EP300: variants seen among roughly 807,000 people sequenced by gnomAD.
The protein encoded by EP300 is EP300 lysine acetyltransferase, also known as histone acetyltransferase p300.
In EP300, 31 loss-of-function variants were observed where a neutral mutation model predicts 264.0. That is an observed-to-expected ratio of 0.12 (90% CI 0.09 to 0.16). The LOEUF (loss-of-function observed/expected upper bound fraction) is 0.16, where lower values mean the gene tolerates loss of function less well. Among genes scored for constraint, EP300 ranks in the 10% least tolerant of loss-of-function variants. The probability of loss-of-function intolerance (pLI) is 1.00; values close to 1 mark genes in which losing one functional copy is unlikely to be tolerated. For missense variants in EP300, 2,766 were observed against 3,052.9 expected, an observed-to-expected ratio of 0.91 and a Z score of 2.21; for synonymous variants, 1,340 against 1,045.4, an observed-to-expected ratio of 1.28 and a Z score of -5.44.
intron 1 of EP300, among the ~76,000 whole-genome samples, chr22:41,095,257 T>TTTA (rs1465558605): frequency 7.8e-6 from 1 of 128,906 alleles, no homozygotes; most frequent in African/African-American, 3.1e-5. Flanking sequence ...TTTTTTTTTT[T>TTTA]GAGATGGAGT....
intron 2 of EP300, among the ~76,000 whole-genome samples, chr22:41,120,088 G>A (rs967558928): frequency 4.6e-5 from 7 of 152,078 alleles, no homozygotes; most frequent in African/African-American, 1.4e-4. Context: ...TGTTGCCACC[G>A]CACCTAGGCC....
At chr22:41,145,686 C>A (rs371511610) in intron 10 of EP300, among the ~76,000 whole-genome samples, 1 of 151,932 alleles carries the variant, frequency 6.6e-6, no homozygotes, top group Admixed American at 6.6e-5. Flanking sequence ...TGCAGTGGCA[C>A]GATCTCAGCT....
At position 41,131,529 on chromosome 22, in the gene EP300, A is replaced by G; in HGVS notation, c.1424A>G (p.Tyr475Cys). The change falls in exon 6 of 31, where the codon TAT becomes TGT. Residue 475 changes from tyrosine (Y) to cysteine (C), a missense_variant. Transcript: ENST00000263253. The part of the protein sequence containing the change: ...ERAYAALGLP[Y>C]QVNQMPTQPQ... ...GCCTATGCAGCTCTTGGACTACCCT[A>G]TCAAGTAAATCAGATGCCGACACAA... The G allele has an allele frequency of 1.9e-6, 3 of 1,614,048 alleles. No homozygotes were observed. Among genetic ancestry groups the G allele is most frequent in the East Asian group, 2.2e-5 (1 of 44,872 alleles).
rs67744457 is a variant in EP300 at position 41,149,326 on chromosome 22, TGAA to T, written c.2379+154_2379+156del. Reference sequence around the variant, plus strand: ...TTTTGGACTTAGGGTATTCTGAACATGAAGAGATTATTCTGTGACATAGCAATG... The same window carrying T: ...TTTTGGACTTAGGGTATTCTGAACATGAGATTATTCTGTGACATAGCAATG... On this transcript the variant is annotated intron_variant, in intron 13 of 30. Transcript: ENST00000263253. 226,374 of 840,446 alleles carry T rather than the reference TGAA, an allele frequency of 0.27. 36,135 individuals are homozygous for T. The highest frequency in any genetic ancestry group is 0.51 in the Admixed American group (23,723 of 46,334). 52.1% of individuals were successfully genotyped at this position (840,446 alleles called of 1,614,324 possible). A position where few individuals can be genotyped will look rare whatever the true frequency, so the allele number is the denominator to read the frequency against.
intron 10 of EP300, among the ~76,000 whole-genome samples, chr22:41,142,205 TA>T (rs1428863890): frequency 1.3e-5 from 2 of 152,206 alleles, no homozygotes; most frequent in African/African-American, 4.8e-5. Context: ...AACCTGCATT[TA>T]CTGAGTTAGG....
chr22:41,121,978 C>G (rs1376611271), intron 2 of EP300, among the ~76,000 whole-genome samples: 1 of 152,014 alleles, frequency 6.6e-6, no homozygotes. Flanking sequence ...ATTGGAGCCA[C>G]ATAGGATAAA....
At chr22:41,145,857 G>A (rs1440054100) in intron 10 of EP300, among the ~76,000 whole-genome samples, 2 of 151,744 alleles carry the variant, frequency 1.3e-5, no homozygotes, top group Non-Finnish European at 2.9e-5. Context: ...GGATGGTCTC[G>A]ATCTCCTGAC....
intron 10 of EP300, among the ~76,000 whole-genome samples, chr22:41,142,326 TAGTAA>T (rs1343942642): frequency 6.6e-6 from 1 of 152,182 alleles, no homozygotes; most frequent in Non-Finnish European, 1.5e-5. Flanking sequence ...TTCATTGAAG[TAGTAA>T]AGTAGAGAAC....
At chr22:41,168,247 A>G in intron 23 of EP300, 1 of 596,264 alleles carries the variant, frequency 1.7e-6, no homozygotes, top group Admixed American at 2.9e-5. Context: ...TTAAAATTAG[A>G]ATGATATGAA....
At chr22:41,110,119 C>CCT (rs1555904633) in intron 1 of EP300, among the ~76,000 whole-genome samples, 1 of 85,666 alleles carries the variant, frequency 1.2e-5, no homozygotes, top group Non-Finnish European at 2.4e-5. Flanking sequence ...TGTTCCCTGC[C>CCT]CCCCCCCCCT....
In EP300 at chr22:41,135,583, T is replaced by C. The variant is rs1205860063; in HGVS notation, c.1529-230T>C. The stretch of plus-strand genomic sequence containing the variant: ...ACATTTGCTTTTTTTTTTTAAGTTA[T>C]GTTTCGTTTTCTATGATTTACTGTT... On this transcript the variant is annotated intron_variant, in intron 6 of 30. Coordinates refer to ENST00000263253, the MANE Select transcript of EP300 (RefSeq NM_001429.4). 2.0e-5 allele frequency among the ~76,000 whole-genome samples: 3 copies of C among 152,018 alleles called. No homozygotes were observed. In the East Asian group the frequency reaches 5.8e-4, roughly 29 times the overall value.
chr22:41,125,999 A>G lies in EP300; in HGVS notation c.865A>G (p.Met289Val), dbSNP rs2230111. ...VLSNNLSPFAMDKKAVPGGGM... is the reference protein window; with the variant it reads ...VLSNNLSPFAVDKKAVPGGGM... ...ATCAAATAACTTATCTCCATTTGCT[A>G]TGGACAAAAAGGCAGTTCCTGGTGG... Residue 289 changes from methionine (M) to valine (V), a missense_variant, in exon 3 of 31, where the codon ATG becomes GTG. Physicochemically the swap from Met to Val is conservative, Grantham distance 21. Coordinates refer to ENST00000263253, the MANE Select transcript of EP300 (RefSeq NM_001429.4). The G allele has an allele frequency of 2.9e-3, 4,664 of 1,614,186 alleles. 13 individuals carry two copies. Among genetic ancestry groups the G allele is most frequent in the Non-Finnish European group, 3.7e-3 (4,314 of 1,180,028 alleles).
intron 1 of EP300, among the ~76,000 whole-genome samples, chr22:41,105,310 A>G (rs1005210242): frequency 4.7e-5 from 7 of 149,994 alleles, no homozygotes; most frequent in Non-Finnish European, 1.0e-4. Context: ...GGAGGTTGCC[A>G]TGAGCTGAGA....
chr22:41,118,903 A>G (rs1041509244), intron 2 of EP300, among the ~76,000 whole-genome samples: 2 of 152,020 alleles, frequency 1.3e-5, no homozygotes, highest in African/African-American at 4.8e-5. Context: ...TAGGAATTCA[A>G]AAACCTTAAA....
At position 41,178,510 on chromosome 22, in the gene EP300, C is replaced by CAACAGATGGGGTCCCCTG; in HGVS notation, c.6800_6817dup (p.Pro2272_Val2273insGluGlnMetGlySerPro). On this transcript the variant is annotated inframe_insertion, in exon 31 of 31. Transcript: ENST00000263253. ...GGCCTATCAGCAGCGACTCCTTCAG[C>CAACAGATGGGGTCCCCTG]AACAGATGGGGTCCCCTGTTCAGCC... 6 of 1,613,434 alleles carry CAACAGATGGGGTCCCCTG rather than the reference C, an allele frequency of 3.7e-6. No homozygotes were observed. Among genetic ancestry groups the CAACAGATGGGGTCCCCTG allele is most frequent in the Non-Finnish European group, 5.1e-6 (6 of 1,179,458 alleles).
intron 1 of EP300, among the ~76,000 whole-genome samples, chr22:41,107,321 C>A (rs2058763124): frequency 6.6e-6 from 1 of 151,706 alleles, no homozygotes; most frequent in South Asian, 2.1e-4. Flanking sequence ...AGGTGTTTTA[C>A]TTAATGAACA....
At chr22:41,102,816 A>G (rs939130380) in intron 1 of EP300, among the ~76,000 whole-genome samples, 5 of 152,140 alleles carry the variant, frequency 3.3e-5, no homozygotes, top group Non-Finnish European at 5.9e-5. Context: ...ATAATTCCCC[A>G]GTTTAAAGTT....
At chr22:41,119,169 A>ATTTT (rs1569091287) in intron 2 of EP300, among the ~76,000 whole-genome samples, 1 of 73,198 alleles carries the variant, frequency 1.4e-5, no homozygotes, top group African/African-American at 7.5e-5. Context: ...TGCCTGGCTT[A>ATTTT]TTATTATTTT....
At chr22:41,130,955 C>G (rs569715662) in intron 5 of EP300, among the ~76,000 whole-genome samples, 47 of 152,096 alleles carry the variant, frequency 3.1e-4, no homozygotes, top group African/African-American at 1.1e-3. Flanking sequence ...AATTTTATAA[C>G]AAGAATTGGG....
Sources: allele counts gnomAD v4.1 joint callset (sites outside exome capture counted in the v4.1 genomes callset), GRCh38; gene constraint gnomAD v4.1.1; transcripts MANE v1.5; gene names NCBI Gene and HGNC (gene_info 2026-07-23, HGNC 2026-07-21).